The following BNIP1 variants were observed in gnomAD, a reference collection of about 807,000 sequenced individuals.
The protein encoded by BNIP1 is BCL2 interacting protein 1.
In BNIP1, 25 loss-of-function variants were observed where a neutral mutation model predicts 28.5. That is an observed-to-expected ratio of 0.88 (90% CI 0.64 to 1.23). The LOEUF (loss-of-function observed/expected upper bound fraction) is 1.23. BNIP1 is among the 50% of genes most tolerant of loss of function. BNIP1 has a pLI of 0.00. For synonymous variants in BNIP1, 118 were observed against 101.7 expected (o/e 1.16, Z -0.96); for missense variants, 276 against 277.0 (o/e 1.00, Z 0.02).
chr5:173,146,701 G>A (rs192005002), intron 1 of BNIP1, among the ~76,000 whole-genome samples, 165 bp from the exon 2 acceptor site: 15 of 152,308 alleles, frequency 9.8e-5, no homozygotes, highest in African/African-American at 3.6e-4. Flanking sequence ...AAATGTAAAT[G>A]ATAATGTTTT....
intron 1 of BNIP1, among the ~76,000 whole-genome samples, chr5:173,145,664 A>G (rs1759813863): frequency 6.6e-6 from 1 of 152,182 alleles, no homozygotes; most frequent in Non-Finnish European, 1.5e-5. Context: ...CGGCCTCCCA[A>G]ATTGCTGGGA....
rs942372896 is a variant in BNIP1, at chr5:173,158,036, C to T, written c.270-708C>T. 4.0e-5 allele frequency among the ~76,000 whole-genome samples: 6 copies of T among 151,174 alleles called. No homozygotes were observed. In the South Asian group the frequency reaches 8.4e-4, roughly 21 times the overall value. ...CCACTTCCCAGGCTCAGGTGATCTTCGCTCCTCCGCCTCCTGGGTAGCTGG... is the reference window on the plus strand; with the variant it reads ...CCACTTCCCAGGCTCAGGTGATCTTTGCTCCTCCGCCTCCTGGGTAGCTGG... On this transcript the variant is annotated intron_variant, in intron 3 of 5. Transcript: ENST00000351486.
chr5:173,160,132 C>A, intron 5 of BNIP1, 81 bp downstream of exon 5: 2 of 1,268,834 alleles, frequency 1.6e-6, no homozygotes, highest in Non-Finnish European at 1.1e-6. Context: ...ACTCTGGGCT[C>A]CTCCACCACA....
chr5:173,156,794 A>G (rs1366215898), intron 3 of BNIP1, among the ~76,000 whole-genome samples: 2 of 149,054 alleles, frequency 1.3e-5, no homozygotes, highest in Non-Finnish European at 3.0e-5. Context: ...GACTACAGGC[A>G]CCCGCCACCA....
intron 2 of BNIP1, among the ~76,000 whole-genome samples, chr5:173,151,124 C>T (rs574998867): frequency 9.9e-5 from 15 of 152,116 alleles, no homozygotes; most frequent in South Asian, 4.1e-4. Context: ...CGTGAGCCAC[C>T]GCGCCCGGTC....
At chr5:173,161,235 C>G (rs1281733329) in intron 5 of BNIP1, 2 of 156,502 alleles carry the variant, frequency 1.3e-5, no homozygotes, top group African/African-American at 4.8e-5. Context: ...ACCATGATCA[C>G]CCCTAGAAAT....
At position 173,163,796 on chromosome 5, in the gene BNIP1, C is replaced by T. The variant is rs372735517; in HGVS notation, c.562C>T (p.Arg188Trp). ...KSMSGTIQLGRKLITKYNRRE... is the reference protein window; with the variant it reads ...KSMSGTIQLGWKLITKYNRRE... Reference sequence around the variant, plus strand: ...CATGTCGGGCACCATCCAGCTGGGCCGGAAGCTTATCACAAAATACAATCG... The same window carrying T: ...CATGTCGGGCACCATCCAGCTGGGCTGGAAGCTTATCACAAAATACAATCG... Residue 188 changes from arginine to tryptophan, a missense_variant, in exon 6 of 6, where the codon CGG (arginine) becomes TGG (tryptophan). Transcript: ENST00000351486. The T allele has an allele frequency of 1.4e-5, 22 of 1,613,766 alleles. No individual in the cohort carries two copies. Among genetic ancestry groups the T allele is most frequent in the East Asian group, 1.3e-4 (6 of 44,882 alleles).
At chr5:173,151,133 T>C (rs11956967) in intron 2 of BNIP1, among the ~76,000 whole-genome samples, 1 of 152,084 alleles carries the variant, frequency 6.6e-6, no homozygotes, top group African/African-American at 2.4e-5. Context: ...CCGCGCCCGG[T>C]CAAAACTTAT....
rs571663655 is a variant in BNIP1 at position 173,163,902 on chromosome 5, G to A, written c.668G>A (p.Arg223Gln). 25 of 1,601,888 alleles carry A rather than the reference G, an allele frequency of 1.6e-5. No individual in the cohort carries two copies. Among genetic ancestry groups the A allele is most frequent in the East Asian group, 9.0e-5 (4 of 44,672 alleles). ...LATVLYIVKK[R>Q]LFPFL ...ACGGTCCTCTATATTGTGAAAAAGC[G>A]GCTCTTTCCATTTTTGTGAGATCCC... is the stretch of plus-strand genomic sequence containing the variant. Residue 223 changes from arginine (R) to glutamine (Q), a missense_variant, in exon 6 of 6, where the codon CGG becomes CAG. Physicochemically the swap from Arg to Gln is conservative, Grantham distance 43 (BLOSUM62 1). Coordinates refer to ENST00000351486, the MANE Select transcript of BNIP1 (RefSeq NM_001205.3).
chr5:173,151,786 A>C (rs1282346170), intron 2 of BNIP1: 1 of 1,546,638 alleles, frequency 6.5e-7, no homozygotes, highest in Non-Finnish European at 8.7e-7. Context: ...ATACGTGTAC[A>C]TTTACATATT....
rs372903607 is a variant in BNIP1, at chr5:173,144,532, C to T, written c.-14C>T. Reference sequence around the variant, plus strand: ...ACTTGGGTCCTGCCGCTGCCCGTAGCCGGCGTCCCCAACATGGCGGCTCCC... The same window carrying T: ...ACTTGGGTCCTGCCGCTGCCCGTAGTCGGCGTCCCCAACATGGCGGCTCCC... On this transcript the variant is annotated 5_prime_UTR_variant, in exon 1 of 6. Transcript: ENST00000351486. 5 of 1,613,892 alleles carry T rather than the reference C, an allele frequency of 3.1e-6. No individual in the cohort carries two copies. The highest frequency in any genetic ancestry group is 1.7e-5 in the Admixed American group (1 of 60,008).
intron 5 of BNIP1, among the ~76,000 whole-genome samples, chr5:173,162,182 A>T (rs1257487947): frequency 6.6e-6 from 1 of 152,258 alleles, no homozygotes; most frequent in African/African-American, 2.4e-5. Flanking sequence ...GCACATGTTA[A>T]AAAGTAAAAA....
chr5:173,148,444 C>T (rs1050734641), intron 2 of BNIP1, among the ~76,000 whole-genome samples: 5 of 151,988 alleles, frequency 3.3e-5, no homozygotes, highest in African/African-American at 1.2e-4. Flanking sequence ...ATCCTGCATG[C>T]AGCTCATGGG....
intron 1 of BNIP1, chr5:173,144,857 A>G: frequency 2.0e-6 from 1 of 510,446 alleles, no homozygotes; most frequent in Admixed American, 3.5e-5. Flanking sequence ...AGAGCACCCC[A>G]CTGTTCTCCG....
intron 5 of BNIP1, among the ~76,000 whole-genome samples, chr5:173,163,417 A>G (rs1359154309): frequency 6.6e-6 from 1 of 152,118 alleles, no homozygotes; most frequent in Non-Finnish European, 1.5e-5. Context: ...GGTTTCCCTG[A>G]GCAGCGTCCA....
chr5:173,162,131 C>T (rs377583420), intron 5 of BNIP1, among the ~76,000 whole-genome samples: 5 of 152,100 alleles, frequency 3.3e-5, no homozygotes, highest in Admixed American at 1.3e-4. Context: ...GCCATAGAAA[C>T]GCAACAGCAG....
chr5:173,145,304 G>A (rs1315938158), intron 1 of BNIP1, among the ~76,000 whole-genome samples: 1 of 152,240 alleles, frequency 6.6e-6, no homozygotes, highest in African/African-American at 2.4e-5. Flanking sequence ...AAGGGTAGAG[G>A]TAAAATAAAC....
At chr5:173,150,363 T>C (rs1759981163) in intron 2 of BNIP1, among the ~76,000 whole-genome samples, 1 of 152,116 alleles carries the variant, frequency 6.6e-6, no homozygotes, top group Admixed American at 6.5e-5. Flanking sequence ...GTTCTAAAGC[T>C]GGTAGAAAAG....
At position 173,158,667 on chromosome 5, in the gene BNIP1, G is replaced by C. The variant is rs1760275393; in HGVS notation, c.270-77G>C. On this transcript the variant is annotated intron_variant, in intron 3 of 5. Transcript: ENST00000351486. ...GGCCTTCTCCCGTGTGCCTTTGTTG[G>C]GGGGAAGTGCTGTGAATTGAACTGA... 7 of 1,189,184 alleles carry C rather than the reference G, an allele frequency of 5.9e-6. No individual in the cohort carries two copies. In the South Asian group the frequency reaches 8.5e-5, roughly 14 times the overall value. 73.7% of individuals were successfully genotyped at this position (1,189,184 alleles called of 1,614,324 possible).
Sources: gnomAD v4.1 joint callset for allele counts (sites outside exome capture counted in the v4.1 genomes callset) on GRCh38, gnomAD v4.1.1 for gene constraint, MANE v1.5 for transcripts, NCBI Gene and HGNC (gene_info 2026-07-23, HGNC 2026-07-21) for gene names.